Variants in NKAIN2 observed in about 807,000 individuals in gnomAD.
NKAIN2 encodes the protein sodium/potassium-transporting ATPase subunit beta-1-interacting protein 2.
A neutral mutation model predicts 32.6 loss-of-function variants in NKAIN2; 14 were observed. The ratio of observed to expected loss-of-function variants is 0.43; its 90% CI spans 0.28 to 0.67. The LOEUF (loss-of-function observed/expected upper bound fraction) is 0.67. NKAIN2 is among the 30% of genes least tolerant of loss of function. NKAIN2 has a pLI of 0.17. For missense variants in NKAIN2, 198 were observed against 258.3 expected, an observed-to-expected ratio of 0.77 and a Z score of 1.60; for synonymous variants, 80 against 87.2, an observed-to-expected ratio of 0.92 and a Z score of 0.46.
intron 1 of NKAIN2, among the ~76,000 whole-genome samples, chr6:124,233,178 T>C (rs759864042): frequency 6.6e-5 from 10 of 152,134 alleles, no homozygotes; most frequent in African/African-American, 1.4e-4. Context: ...ATTCATACTC[T>C]ACATGATCTC....
chr6:124,464,739 A>G (rs182026103), intron 3 of NKAIN2, among the ~76,000 whole-genome samples: 124 of 152,128 alleles, frequency 8.2e-4, no homozygotes, highest in Non-Finnish European at 1.5e-3. Flanking sequence ...CTGTTTTGGT[A>G]CCAGTACCAT....
intron 4 of NKAIN2, among the ~76,000 whole-genome samples, chr6:124,683,214 G>T (rs1323367001): frequency 2.0e-5 from 3 of 152,084 alleles, no homozygotes; most frequent in Admixed American, 1.3e-4. Context: ...CATCCCATTC[G>T]CAGAAAAAGG....
intron 3 of NKAIN2, among the ~76,000 whole-genome samples, chr6:124,493,767 T>G (rs935137814): frequency 5.9e-5 from 8 of 136,326 alleles, no homozygotes; most frequent in African/African-American, 2.2e-4. Context: ...TTCTGTGCAC[T>G]CTCCTGGACA....
intron 2 of NKAIN2, among the ~76,000 whole-genome samples, chr6:124,351,799 T>G (rs1470659765): frequency 6.6e-6 from 1 of 152,022 alleles, no homozygotes; most frequent in Non-Finnish European, 1.5e-5. Flanking sequence ...ATTTTGTATT[T>G]TTAGTAGAGA....
chr6:124,524,553 T>C (rs948891627), intron 3 of NKAIN2, among the ~76,000 whole-genome samples: 1 of 152,176 alleles, frequency 6.6e-6, no homozygotes, highest in African/African-American at 2.4e-5. Flanking sequence ...CCAAATATTT[T>C]CACATGCATT....
At chr6:123,909,814 C>T (rs113225619) in intron 1 of NKAIN2, among the ~76,000 whole-genome samples, 4,156 of 152,194 alleles carry the variant, frequency 0.027, 81 homozygotes, top group Non-Finnish European at 0.041. Context: ...CGGTGGGTTT[C>T]ACAGGGTAGG....
intron 2 of NKAIN2, among the ~76,000 whole-genome samples, chr6:124,336,294 C>T (rs929247823): frequency 2.6e-5 from 4 of 152,142 alleles, no homozygotes; most frequent in Non-Finnish European, 5.9e-5. Context: ...CCATAATCAT[C>T]CCAAACTTTT....
intron 1 of NKAIN2, among the ~76,000 whole-genome samples, chr6:124,036,074 T>C (rs1243405384): frequency 6.6e-6 from 1 of 152,156 alleles, no homozygotes; most frequent in Non-Finnish European, 1.5e-5. Flanking sequence ...GTGGGTACTG[T>C]ATAATTAGGA....
intron 4 of NKAIN2, among the ~76,000 whole-genome samples, chr6:124,678,567 G>A (rs4895583): frequency 7.9e-5 from 12 of 151,908 alleles, no homozygotes; most frequent in Non-Finnish European, 1.5e-4. Context: ...CATTTGGTTC[G>A]TTTTAATATT....
chr6:124,791,236 C>A, intron 4 of NKAIN2, 103 bp from the exon 5 acceptor site: 2 of 747,920 alleles, frequency 2.7e-6, no homozygotes, highest in East Asian at 2.6e-5. Flanking sequence ...GGTTGGAGCC[C>A]TAAGTCTGGT....
At chr6:124,738,533 T>C (rs771634074) in intron 4 of NKAIN2, among the ~76,000 whole-genome samples, 2 of 151,450 alleles carry the variant, frequency 1.3e-5, no homozygotes, top group African/African-American at 2.4e-5. Flanking sequence ...TATTTAACAA[T>C]ATTTTACACT....
intron 1 of NKAIN2, among the ~76,000 whole-genome samples, chr6:123,879,536 A>G (rs1773349829): frequency 6.6e-6 from 1 of 152,156 alleles, no homozygotes; most frequent in African/African-American, 2.4e-5. Flanking sequence ...GCTCCTGGTG[A>G]TCATTCAGGA....
At chr6:124,636,617 A>G (rs548830697) in intron 3 of NKAIN2, among the ~76,000 whole-genome samples, 1 of 152,084 alleles carries the variant, frequency 6.6e-6, no homozygotes, top group African/African-American at 2.4e-5. Flanking sequence ...GAGACAGACT[A>G]TTATGAAAAA....
chr6:124,118,077 T>C (rs1785701940), intron 1 of NKAIN2, among the ~76,000 whole-genome samples: 3 of 152,134 alleles, frequency 2.0e-5, no homozygotes, highest in Admixed American at 2.0e-4. Flanking sequence ...CCTTCTTGTA[T>C]TCTGGAGGTT....
intron 4 of NKAIN2, among the ~76,000 whole-genome samples, chr6:124,669,770 T>C (rs1035274759): frequency 6.6e-6 from 1 of 152,110 alleles, no homozygotes; most frequent in Non-Finnish European, 1.5e-5. Flanking sequence ...CAGAATCTAA[T>C]CATTCTCTCC....
intron 5 of NKAIN2, among the ~76,000 whole-genome samples, chr6:124,812,309 C>T (rs991685305): frequency 6.6e-6 from 1 of 152,182 alleles, no homozygotes; most frequent in Non-Finnish European, 1.5e-5. Flanking sequence ...GGAAGTTTTA[C>T]TAGCATCTTC....
At chr6:124,804,435 CTATTGCTT>C (rs1780423514) in intron 5 of NKAIN2, 11 of 841,176 alleles carry the variant, frequency 1.3e-5, no homozygotes, top group Middle Eastern at 6.1e-4. Context: ...ACTATTATAG[CTATTGCTT>C]TTCACTTTCA....
At chr6:123,954,524 C>T (rs947466599) in intron 1 of NKAIN2, among the ~76,000 whole-genome samples, 3 of 152,154 alleles carry the variant, frequency 2.0e-5, no homozygotes, top group Admixed American at 1.3e-4. Flanking sequence ...GTCACCTCTG[C>T]GTAGGATTCC....
intron 4 of NKAIN2, among the ~76,000 whole-genome samples, chr6:124,718,638 C>T (rs1775869678): frequency 6.6e-6 from 1 of 152,168 alleles, no homozygotes; most frequent in South Asian, 2.1e-4. Context: ...TGCAACTTCA[C>T]AGTCTACACA....
Sources: gnomAD v4.1 joint callset for allele counts (sites outside exome capture counted in the v4.1 genomes callset) on GRCh38, gnomAD v4.1.1 for gene constraint, MANE v1.5 for transcripts, NCBI Gene and HGNC (gene_info 2026-07-23, HGNC 2026-07-21) for gene names.